The following ZBTB2 variants were observed in gnomAD, a reference collection of about 807,000 sequenced individuals.
ZBTB2 encodes zinc finger and BTB domain containing 2.
ZBTB2 carries 2 observed loss-of-function variants against 39.5 expected under a neutral mutation model. The observed-to-expected ratio is 0.05, with a 90% confidence interval of 0.02 to 0.16. The LOEUF is 0.16. Ranked by LOEUF, ZBTB2 falls within the 10% of genes least tolerant of loss-of-function variation. The probability of loss-of-function intolerance (pLI) is 1.00; values close to 1 mark genes in which losing one functional copy is unlikely to be tolerated. For missense variants in ZBTB2, 391 were observed against 653.0 expected, an observed-to-expected ratio of 0.60 and a Z score of 4.37; for synonymous variants, 251 against 256.6, an observed-to-expected ratio of 0.98 and a Z score of 0.21.
chr6:151,390,716 G>A (rs1037058986), intron 1 of ZBTB2, among the ~76,000 whole-genome samples: 3 of 151,758 alleles, frequency 2.0e-5, no homozygotes, highest in Admixed American at 1.3e-4. Context: ...TGGGAGAAGC[G>A]CCAGAGAGGC....
intron 1 of ZBTB2, among the ~76,000 whole-genome samples, chr6:151,382,524 G>A (rs1219105659): frequency 1.3e-5 from 2 of 148,602 alleles, no homozygotes; most frequent in African/African-American, 5.0e-5. Flanking sequence ...CAAAGTGCTG[G>A]GATTACAGGC....
chr6:151,367,411 A>G (rs753436666), intron 2 of ZBTB2, among the ~76,000 whole-genome samples: 16 of 152,222 alleles, frequency 1.1e-4, no homozygotes, highest in Middle Eastern at 3.4e-3. Context: ...GTGAGCCACC[A>G]CGCCTGGCCA....
intron 2 of ZBTB2, among the ~76,000 whole-genome samples, 193 bp downstream of exon 2, chr6:151,373,272 G>A (rs1472468968): frequency 1.3e-5 from 2 of 151,222 alleles, no homozygotes; most frequent in East Asian, 3.9e-4. Context: ...CATAGAGCTG[G>A]CAGGTCCAGT....
chr6:151,369,902 C>T lies in ZBTB2; in HGVS notation c.174-3010G>A, dbSNP rs554795881. ...CAGCCTGGGCGACAAGAGCGAGACT[C>T]CATCTCAAAACAAACAAACAAACAA... On this transcript the variant is annotated intron_variant, in intron 2 of 2. Coordinates refer to ENST00000325144, the MANE Select transcript of ZBTB2 (RefSeq NM_020861.3). 2.0e-5 allele frequency among the ~76,000 whole-genome samples: 3 copies of T among 152,078 alleles called. No homozygotes were observed. The East Asian group carries it at 5.8e-4, about 30-fold the overall frequency.
chr6:151,389,142 C>T (rs1234682916), intron 1 of ZBTB2, among the ~76,000 whole-genome samples: 1 of 152,156 alleles, frequency 6.6e-6, no homozygotes, highest in African/African-American at 2.4e-5. Flanking sequence ...GCCTTCTTGT[C>T]CAGGAGCGGT....
intron 1 of ZBTB2, among the ~76,000 whole-genome samples, chr6:151,389,281 G>GA (rs1779231838): frequency 6.6e-6 from 1 of 151,868 alleles, no homozygotes; most frequent in Non-Finnish European, 1.5e-5. Context: ...AAAGAAAAAA[G>GA]AAAAAAATGA....
rs189822266 is a variant in ZBTB2, at chr6:151,370,455, A to G, written c.173+3010T>C. On this transcript the variant is annotated intron_variant, in intron 2 of 2. Coordinates refer to ENST00000325144, the MANE Select transcript of ZBTB2 (RefSeq NM_020861.3). ...AATTTCCGTTTTCAATTATTCCTTC[A>G]CTAGAATTTTAAAAGAAATGATAGG... Among the ~76,000 whole-genome samples the G allele has an allele frequency of 1.9e-3, 296 of 152,242 alleles. 1 individual carries two copies. Among genetic ancestry groups the G allele is most frequent in the African/African-American group, 7.0e-3 (289 of 41,542 alleles).
intron 1 of ZBTB2, among the ~76,000 whole-genome samples, chr6:151,388,239 T>C (rs942511108): frequency 2.6e-5 from 4 of 152,198 alleles, no homozygotes; most frequent in Non-Finnish European, 2.9e-5. Flanking sequence ...TCTTTCAATC[T>C]TCCTCTCCTG....
intron 1 of ZBTB2, among the ~76,000 whole-genome samples, chr6:151,379,621 G>C (rs956873499): frequency 3.5e-5 from 4 of 113,320 alleles, no homozygotes; most frequent in African/African-American, 1.4e-4. Context: ...CTGGGAAACA[G>C]AGTGAGACCC....
chr6:151,372,197 G>A (rs974435889), intron 2 of ZBTB2, among the ~76,000 whole-genome samples: 18 of 152,218 alleles, frequency 1.2e-4, no homozygotes, highest in Non-Finnish European at 2.9e-5. Flanking sequence ...AAATGCAGAT[G>A]ACAACCACTT....
At position 151,366,124 on chromosome 6, in the gene ZBTB2, C is replaced by T. The variant is rs1170670371; in HGVS notation, c.942G>A (p.Met314Ile). ...KDAMEVPEAG[M>I]ISDSELQHIS... ...TGTGCTGCAGCTCACTGTCACTTAT[C>T]ATCCCGGCTTCAGGCACTTCCATGG... The change falls in exon 3 of 3, where the codon ATG becomes ATA. Residue 314 changes from methionine to isoleucine, a missense_variant. This residue lies in a region of ZBTB2 where 80 missense variants were observed against 125.2 expected (regional missense o/e 0.64). Coordinates refer to ENST00000325144, the MANE Select transcript of ZBTB2 (RefSeq NM_020861.3). The surrounding 1 kb of genome is among the most constrained non-coding windows in gnomAD (Gnocchi z 7.1). 1.2e-6 allele frequency: 2 copies of T among 1,614,176 alleles called. No homozygotes were observed. Among genetic ancestry groups the T allele is most frequent in the Non-Finnish European group, 1.7e-6 (2 of 1,180,046 alleles).
chr6:151,387,919 T>C (rs1779195649), intron 1 of ZBTB2, among the ~76,000 whole-genome samples: 1 of 152,208 alleles, frequency 6.6e-6, no homozygotes, highest in African/African-American at 2.4e-5. Flanking sequence ...TCTATCGGCA[T>C]TGTAAAAATA....
intron 1 of ZBTB2, among the ~76,000 whole-genome samples, chr6:151,376,057 G>A (rs796108613): frequency 1.3e-5 from 2 of 152,160 alleles, no homozygotes; most frequent in African/African-American, 4.8e-5. Context: ...TACTGACAAA[G>A]GCACAAAAGC....
intron 1 of ZBTB2, among the ~76,000 whole-genome samples, chr6:151,384,722 T>C (rs140226105): frequency 1.3e-3 from 194 of 152,240 alleles, no homozygotes; most frequent in African/African-American, 4.5e-3. Flanking sequence ...GATAACCAAG[T>C]GGAGATGCAG....
At chr6:151,390,732 C>G (rs1394068077) in intron 1 of ZBTB2, among the ~76,000 whole-genome samples, 4 of 151,846 alleles carry the variant, frequency 2.6e-5, no homozygotes, top group African/African-American at 7.2e-5. Context: ...GAGGCCGGGC[C>G]TGCTCCGGTC....
chr6:151,383,859 C>A (rs1291308581), intron 1 of ZBTB2, among the ~76,000 whole-genome samples: 4 of 152,176 alleles, frequency 2.6e-5, no homozygotes, highest in Non-Finnish European at 5.9e-5. Flanking sequence ...ATACACCTTG[C>A]CTGATGCTTC....
chr6:151,385,846 A>G (rs1357032138), intron 1 of ZBTB2, among the ~76,000 whole-genome samples: 1 of 152,178 alleles, frequency 6.6e-6, no homozygotes, highest in East Asian at 1.9e-4. Context: ...TTGAATTTTA[A>G]TACATTTTAA....
At chr6:151,380,688 T>C (rs562474390) in intron 1 of ZBTB2, among the ~76,000 whole-genome samples, 1 of 152,284 alleles carries the variant, frequency 6.6e-6, no homozygotes, top group African/African-American at 2.4e-5. Flanking sequence ...AAATCTTTGG[T>C]CTCTGGTTTT....
chr6:151,368,225 C>A lies in ZBTB2; in HGVS notation c.174-1333G>T, dbSNP rs527628610. Among the ~76,000 whole-genome samples, 11 of 152,290 alleles carry A rather than the reference C, an allele frequency of 7.2e-5. No homozygotes were observed. The South Asian group carries it at 2.3e-3, about 32-fold the overall frequency. On this transcript the variant is annotated intron_variant, in intron 2 of 2. Coordinates refer to ENST00000325144, the MANE Select transcript of ZBTB2 (RefSeq NM_020861.3). ...GCAGTGGTGCGATCTCGGCTCACTG[C>A]AAGCTCCGCCTCCCGGGTTCACACC...
Sources: allele counts gnomAD v4.1 joint callset (sites outside exome capture counted in the v4.1 genomes callset), GRCh38; gene constraint gnomAD v4.1.1; regional missense constraint gnomAD v4.1.1; non-coding constraint Gnocchi (gnomAD v3.1); transcripts MANE v1.5; gene names NCBI Gene and HGNC (gene_info 2026-07-23, HGNC 2026-07-21).